Variants in RYR2 observed in about 807,000 individuals in gnomAD.
RYR2 encodes the protein cardiac muscle ryanodine receptor-calcium release channel.
RYR2 carries 227 observed loss-of-function variants against 601.1 expected under a neutral mutation model. The ratio of observed to expected loss-of-function variants is 0.38; its 90% CI spans 0.34 to 0.42. The LOEUF is 0.42. Among genes scored for constraint, RYR2 ranks in the 10% least tolerant of loss-of-function variants. RYR2 has a pLI of 1.00. For missense variants in RYR2, 4,646 were observed against 6,156.5 expected, an observed-to-expected ratio of 0.75 and a Z score of 8.21; for synonymous variants, 2,223 against 2,175.1, an observed-to-expected ratio of 1.02 and a Z score of -0.61.
intron 60 of RYR2, 73 bp from the exon 61 acceptor site, chr1:237,677,975 C>A: frequency 1.1e-6 from 1 of 921,236 alleles, no homozygotes; most frequent in South Asian, 1.4e-5. Flanking sequence ...TGCTTTCTAA[C>A]CTTTGCATTA....
chr1:237,239,884 C>T (rs1413628600), intron 1 of RYR2, among the ~76,000 whole-genome samples: 1 of 152,178 alleles, frequency 6.6e-6, no homozygotes. Context: ...TTTACTCTAT[C>T]ACGTTGCAAG....
intron 1 of RYR2, among the ~76,000 whole-genome samples, chr1:237,143,553 C>T (rs772324971): frequency 3.3e-5 from 5 of 152,188 alleles, no homozygotes; most frequent in South Asian, 2.1e-4. Flanking sequence ...GCCCAGTTCA[C>T]GCTTTCACGG....
chr1:237,522,015 G>A (rs991040373), intron 24 of RYR2, among the ~76,000 whole-genome samples: 1 of 152,040 alleles, frequency 6.6e-6, no homozygotes, highest in East Asian at 1.9e-4. Flanking sequence ...GGGTACATGT[G>A]TACAACGTGC....
intron 41 of RYR2, among the ~76,000 whole-genome samples, chr1:237,629,994 G>T (rs1573214867): frequency 6.6e-6 from 1 of 152,092 alleles, no homozygotes; most frequent in African/African-American, 2.4e-5. Flanking sequence ...TCTTATTTGA[G>T]TACTAATATT....
chr1:237,483,484 A>G lies in RYR2; in HGVS notation c.1709-8322A>G, dbSNP rs548013284. ...TTAAATAGTTTGCTAAAAACCTGCA[A>G]GGACACAAAACTAGGCACATCGGCT... On this transcript the variant is annotated intron_variant, in intron 17 of 104. Transcript: ENST00000366574. Among the ~76,000 whole-genome samples the G allele has an allele frequency of 8.5e-5, 13 of 152,106 alleles. No individual in the cohort carries two copies. The East Asian group carries it at 2.1e-3, about 25-fold the overall frequency.
At chr1:237,770,531 G>C (rs1558378836) in intron 84 of RYR2, among the ~76,000 whole-genome samples, 1 of 152,200 alleles carries the variant, frequency 6.6e-6, no homozygotes, top group Non-Finnish European at 1.5e-5. Flanking sequence ...TAAGCCTTTA[G>C]GTCATTTGTA....
intron 5 of RYR2, among the ~76,000 whole-genome samples, chr1:237,368,909 C>T (rs573319748): frequency 1.3e-5 from 2 of 152,030 alleles, no homozygotes; most frequent in Admixed American, 6.5e-5. Flanking sequence ...CTGCAACCTC[C>T]ACCTCCCGGG....
At chr1:237,235,136 T>C (rs937180010) in intron 1 of RYR2, among the ~76,000 whole-genome samples, 1 of 152,204 alleles carries the variant, frequency 6.6e-6, no homozygotes, top group African/African-American at 2.4e-5. Flanking sequence ...CAGTTCTTCT[T>C]TATTGACTTT....
intron 78 of RYR2, among the ~76,000 whole-genome samples, chr1:237,732,981 C>G (rs761415299): frequency 8.5e-5 from 13 of 152,114 alleles, no homozygotes; most frequent in Non-Finnish European, 4.4e-5. Context: ...TACATTTCTC[C>G]CTCTTAGCTA....
intron 24 of RYR2, among the ~76,000 whole-genome samples, chr1:237,519,318 C>G (rs1254810953): frequency 6.6e-6 from 1 of 152,004 alleles, no homozygotes; most frequent in African/African-American, 2.4e-5. Flanking sequence ...TTTTTGTTGC[C>G]TGGGTTTTTG....
At chr1:237,765,040 G>GTTT (rs755392202) in intron 84 of RYR2, among the ~76,000 whole-genome samples, 1 of 144,328 alleles carries the variant, frequency 6.9e-6, no homozygotes, top group African/African-American at 2.5e-5. Context: ...GAGCCTCCCA[G>GTTT]TTTTTTTTTT....
intron 29 of RYR2, among the ~76,000 whole-genome samples, chr1:237,583,005 C>T (rs1674105145): frequency 6.6e-6 from 1 of 151,714 alleles, no homozygotes; most frequent in Non-Finnish European, 1.5e-5. Context: ...AATCTCCAAA[C>T]TGCTTTCCAC....
At chr1:237,753,820 A>T (rs896338753) in intron 80 of RYR2, among the ~76,000 whole-genome samples, 12 of 152,134 alleles carry the variant, frequency 7.9e-5, no homozygotes, top group African/African-American at 2.9e-4. Flanking sequence ...CTTATAAAAG[A>T]TCTATCTACA....
At chr1:237,103,942 CTG>C (rs1389922044) in intron 1 of RYR2, among the ~76,000 whole-genome samples, 1 of 149,674 alleles carries the variant, frequency 6.7e-6, no homozygotes, top group Non-Finnish European at 1.5e-5. Flanking sequence ...ACCGAGAATT[CTG>C]TCTCTTTTGT....
intron 10 of RYR2, among the ~76,000 whole-genome samples, chr1:237,393,905 C>T (rs781733515): frequency 1.3e-4 from 20 of 152,134 alleles, no homozygotes; most frequent in African/African-American, 4.6e-4. Flanking sequence ...GCTTCAAAAA[C>T]GTGGGCTTCT....
intron 1 of RYR2, among the ~76,000 whole-genome samples, chr1:237,209,670 T>C (rs924009774): frequency 3.3e-5 from 5 of 151,968 alleles, no homozygotes; most frequent in Non-Finnish European, 5.9e-5. Context: ...CTGGGCAATA[T>C]AGCCAGACCC....
At chr1:237,066,606 C>T (rs1663648627) in intron 1 of RYR2, among the ~76,000 whole-genome samples, 1 of 151,184 alleles carries the variant, frequency 6.6e-6, no homozygotes, top group African/African-American at 2.4e-5. Context: ...TAATGTTAAA[C>T]ATCTTTCATG....
chr1:237,175,022 G>A (rs1677861733), intron 1 of RYR2, among the ~76,000 whole-genome samples: 1 of 152,104 alleles, frequency 6.6e-6, no homozygotes, highest in Non-Finnish European at 1.5e-5. Context: ...CTTTATGTTT[G>A]TAAAGCCTTA....
At chr1:237,661,869 A>G (rs1683833402) in intron 56 of RYR2, among the ~76,000 whole-genome samples, 1 of 152,144 alleles carries the variant, frequency 6.6e-6, no homozygotes, top group East Asian at 1.9e-4. Flanking sequence ...TGGAAAAGCT[A>G]GAGTTCAGGG....
Sources: allele counts gnomAD v4.1 joint callset (sites outside exome capture counted in the v4.1 genomes callset), GRCh38; gene constraint gnomAD v4.1.1; transcripts MANE v1.5; gene names NCBI Gene and HGNC (gene_info 2026-07-23, HGNC 2026-07-21).